The following SLIT3 variants were observed in gnomAD, a reference collection of about 807,000 sequenced individuals.
SLIT3 encodes slit homolog 3 protein.
SLIT3 carries 68 observed loss-of-function variants against 184.0 expected under a neutral mutation model. The observed-to-expected ratio is 0.37, with a 90% CI of 0.30 to 0.45. The LOEUF is 0.45. SLIT3 is among the 20% of genes least tolerant of loss of function. SLIT3 has a pLI of 1.00. For missense variants in SLIT3, 1,707 were observed against 2,026.0 expected, an observed-to-expected ratio of 0.84 and a Z score of 3.02; for synonymous variants, 831 against 828.6, an observed-to-expected ratio of 1.00 and a Z score of -0.05.
Position 169,210,144 on chromosome 5 carries a change from C to T in SLIT3, c.342-16594G>A, listed in dbSNP as rs1487838570. Among the ~76,000 whole-genome samples the T allele has an allele frequency of 2.0e-5, 3 of 152,182 alleles. No homozygotes were observed. The East Asian group carries it at 5.8e-4, about 29-fold the overall frequency. On this transcript the variant is annotated intron_variant, in intron 3 of 35. Coordinates refer to ENST00000519560, the MANE Select transcript of SLIT3 (RefSeq NM_003062.4). ...TGGGAGAAATCGCTATGGCAGATAGCTACCCAGGGCAGTCCACAGTGAGGG... is the reference window on the plus strand; with the variant it reads ...TGGGAGAAATCGCTATGGCAGATAGTTACCCAGGGCAGTCCACAGTGAGGG...
At chr5:169,024,987 GA>G (rs775685988) in intron 4 of SLIT3, 2 of 152,180 alleles carry the variant, frequency 1.3e-5, no homozygotes, top group Non-Finnish European at 2.9e-5. Context: ...TTCTCATGGG[GA>G]AACTGTTCAT....
chr5:168,864,032 T>TA (rs1397265620), intron 5 of SLIT3, among the ~76,000 whole-genome samples: 11 of 92,374 alleles, frequency 1.2e-4, no homozygotes, highest in Non-Finnish European at 2.3e-4. Context: ...CCCATCTCTA[T>TA]AAAAAAATAC....
At chr5:169,251,572 G>A in intron 1 of SLIT3, 113 bp from the exon 2 acceptor site, 1 of 731,954 alleles carries the variant, frequency 1.4e-6, no homozygotes, top group Non-Finnish European at 2.5e-6. Context: ...CGGCAATTCT[G>A]ATGATTAACG....
At chr5:168,869,881 C>A (rs1316354512) in intron 5 of SLIT3, among the ~76,000 whole-genome samples, 1 of 152,220 alleles carries the variant, frequency 6.6e-6, no homozygotes, top group African/African-American at 2.4e-5. Flanking sequence ...TGCCTGGGGA[C>A]TGCGTACAGA....
chr5:168,833,593 C>A (rs1017003463), intron 6 of SLIT3, among the ~76,000 whole-genome samples: 3 of 152,224 alleles, frequency 2.0e-5, no homozygotes, highest in Non-Finnish European at 4.4e-5. Context: ...TGTCCTCATG[C>A]TGAATGCAAA....
chr5:168,683,509 C>T (rs1191749574), intron 32 of SLIT3, among the ~76,000 whole-genome samples: 1 of 152,176 alleles, frequency 6.6e-6, no homozygotes, highest in Non-Finnish European at 1.5e-5. Flanking sequence ...GAAAAGCTGC[C>T]CTTCAGGATG....
At chr5:168,721,899 G>A (rs1165136345) in intron 23 of SLIT3, among the ~76,000 whole-genome samples, 1 of 152,118 alleles carries the variant, frequency 6.6e-6, no homozygotes, top group African/African-American at 2.4e-5. Flanking sequence ...AATGATCATC[G>A]AAACGTGGCT....
intron 4 of SLIT3, among the ~76,000 whole-genome samples, chr5:168,954,484 T>C (rs1361017513): frequency 6.6e-6 from 1 of 152,316 alleles, no homozygotes; most frequent in Admixed American, 6.5e-5. Context: ...ACCTGTCAGA[T>C]TCCCGGCTCA....
intron 7 of SLIT3, among the ~76,000 whole-genome samples, chr5:168,820,449 C>T (rs1341927670): frequency 6.6e-6 from 1 of 152,150 alleles, no homozygotes; most frequent in Non-Finnish European, 1.5e-5. Context: ...ATTAGTGATG[C>T]CTCCTTCCTA....
chr5:168,893,698 G>A (rs976156376), intron 4 of SLIT3, among the ~76,000 whole-genome samples: 5 of 152,122 alleles, frequency 3.3e-5, no homozygotes, highest in Non-Finnish European at 7.4e-5. Flanking sequence ...TTTGCAATTA[G>A]GAGATGAAAT....
chr5:169,095,707 G>A (rs1026772147), intron 4 of SLIT3, among the ~76,000 whole-genome samples: 1 of 152,096 alleles, frequency 6.6e-6, no homozygotes, highest in Non-Finnish European at 1.5e-5. Context: ...TGCCTTCAAT[G>A]GGCCATACCA....
chr5:168,731,939 G>A (rs1364131223), intron 20 of SLIT3, among the ~76,000 whole-genome samples: 2 of 152,078 alleles, frequency 1.3e-5, no homozygotes, highest in East Asian at 3.8e-4. Flanking sequence ...AGTATTGGAA[G>A]TCCTCACCAG....
At chr5:168,697,581 T>C (rs1762100266) in intron 27 of SLIT3, among the ~76,000 whole-genome samples, 1 of 152,242 alleles carries the variant, frequency 6.6e-6, no homozygotes, top group African/African-American at 2.4e-5. Flanking sequence ...CAGAGATTGC[T>C]CTGACTTGGG....
At position 168,685,848 on chromosome 5, in the gene SLIT3, C is replaced by A; in HGVS notation, c.3394G>T (p.Ala1132Ser). The change falls in exon 31 of 36, where the codon GCC becomes TCC. Residue 1132 changes from alanine (A) to serine (S), a missense_variant. Physicochemically the swap from Ala to Ser is moderately conservative, Grantham distance 99 (BLOSUM62 1). This residue lies in a region of SLIT3 where 1,307 missense variants were observed against 1,511.6 expected (regional missense o/e 0.86). Transcript: ENST00000519560. Reference sequence around the variant, plus strand: ...TCCTGCTGCACCACGATGCACTGGGCCCCGTTCTGGCACTCGTACTGGTCG... The same window carrying A: ...TCCTGCTGCACCACGATGCACTGGGACCCGTTCTGGCACTCGTACTGGTCG... ...PCDQYECQNGAQCIVVQQEPT... is the reference protein window; with the variant it reads ...PCDQYECQNGSQCIVVQQEPT... 4 of 1,613,874 alleles carry A rather than the reference C, an allele frequency of 2.5e-6. No homozygotes were observed. The highest frequency in any genetic ancestry group is 3.4e-6 in the Non-Finnish European group (4 of 1,179,966).
chr5:169,221,709 G>T (rs753332440), intron 3 of SLIT3, among the ~76,000 whole-genome samples: 13 of 152,118 alleles, frequency 8.5e-5, no homozygotes, highest in Non-Finnish European at 1.8e-4. Flanking sequence ...TGACTCCCCC[G>T]CCAGCCATCA....
chr5:169,140,683 C>A (rs964565218), intron 4 of SLIT3, among the ~76,000 whole-genome samples: 4 of 151,830 alleles, frequency 2.6e-5, no homozygotes, highest in Admixed American at 6.6e-5. Context: ...GTGCCTGTAG[C>A]CCCAACCTCT....
chr5:168,793,641 T>C (rs547747579), intron 10 of SLIT3, among the ~76,000 whole-genome samples: 1 of 152,316 alleles, frequency 6.6e-6, no homozygotes, highest in South Asian at 2.1e-4. Context: ...GAAGGAACAG[T>C]AAAACATAGT....
Position 168,666,464 on chromosome 5 carries a change from G to C in SLIT3, c.4562C>G (p.Ala1521Gly). 6.4e-7 allele frequency: 1 copy of C among 1,570,436 alleles called. No homozygotes were observed. The highest frequency in any genetic ancestry group is 8.7e-7 in the Non-Finnish European group (1 of 1,154,716). Reference sequence around the variant, plus strand: ...CAGGCGGGCAGGGGCTTAGGAACACGCGAGGCAGCCGCACTCTAAGTGTCT... The same window carrying C: ...CAGGCGGGCAGGGGCTTAGGAACACCCGAGGCAGCCGCACTCTAAGTGTCT... The part of the protein sequence containing the change: ...VERHLECGCL[A>G]CS Residue 1521 changes from alanine to glycine, a missense_variant, in exon 36 of 36, where the codon GCG becomes GGG. Ala to Gly is a moderately conservative substitution (Grantham distance 60). This residue lies in a region of SLIT3 where 387 missense variants were observed against 477.9 expected (regional missense o/e 0.81). Coordinates refer to ENST00000519560, the MANE Select transcript of SLIT3 (RefSeq NM_003062.4).
At chr5:169,023,374 A>G (rs535249691) in intron 4 of SLIT3, among the ~76,000 whole-genome samples, 9 of 152,238 alleles carry the variant, frequency 5.9e-5, no homozygotes, top group African/African-American at 1.9e-4. Context: ...GACTGTATTC[A>G]AAGAAAAAAG....
Sources: allele counts gnomAD v4.1 joint callset (sites outside exome capture counted in the v4.1 genomes callset), GRCh38; gene constraint gnomAD v4.1.1; regional missense constraint gnomAD v4.1.1; transcripts MANE v1.5; gene names NCBI Gene and HGNC (gene_info 2026-07-23, HGNC 2026-07-21).